Variants in EXO1 observed in about 807,000 individuals in gnomAD.
The protein encoded by EXO1 is exonuclease 1.
A neutral mutation model predicts 84.5 loss-of-function variants in EXO1; 69 were observed. That is an observed-to-expected ratio of 0.82 (90% CI 0.67 to 1.00). The LOEUF (loss-of-function observed/expected upper bound fraction) is 1.00. Ranked by LOEUF, EXO1 falls within the 50% of genes least tolerant of loss-of-function variation. The pLI is 0.00. For synonymous variants in EXO1, 373 were observed against 366.1 expected (o/e 1.02, Z -0.21); for missense variants, 1,045 against 1,000.7 (o/e 1.04, Z -0.60).
At position 241,879,033 on chromosome 1, in the gene EXO1, C is replaced by T; in HGVS notation, c.1799C>T (p.Pro600Leu). The T allele has an allele frequency of 1.2e-6, 2 of 1,614,164 alleles. No homozygotes were observed. Among genetic ancestry groups the T allele is most frequent in the Non-Finnish European group, 1.7e-6 (2 of 1,180,028 alleles). ...SSKFTRTISP[P>L]TLGTLRSCFS... ...AAATTTACAAGGACCATTTCACCAC[C>T]CACTTTGGGAACACTAAGAAGTTGT... Residue 600 changes from proline (P) to leucine (L), a missense_variant, in exon 13 of 16, where the codon CCC becomes CTC. Coordinates refer to ENST00000366548, the MANE Select transcript of EXO1 (RefSeq NM_130398.4).
chr1:241,878,274 G>C (rs1179653912), intron 12 of EXO1, among the ~76,000 whole-genome samples: 1 of 152,178 alleles, frequency 6.6e-6, no homozygotes, highest in African/African-American at 2.4e-5. Context: ...CAAGGCGGGC[G>C]GATCACCTGA....
chr1:241,889,381 C>A, intron 15 of EXO1, 84 bp from the exon 16 acceptor site: 1 of 1,203,254 alleles, frequency 8.3e-7, no homozygotes, highest in Non-Finnish European at 1.2e-6. Context: ...CTCTTCATGT[C>A]CCTCTATTTT....
At chr1:241,884,676 T>TGTGC (rs1247623968) in intron 14 of EXO1, among the ~76,000 whole-genome samples, 44 of 141,646 alleles carry the variant, frequency 3.1e-4, no homozygotes, top group African/African-American at 1.1e-3. Flanking sequence ...TGTGTGTGTG[T>TGTGC]GCACGTGCAC....
At position 241,867,075 on chromosome 1, in the gene EXO1, A is replaced by C; in HGVS notation, c.1267+20A>C. ...GAAGTGGTACGTATTTCAGTTTTGC[A>C]AAATGCTGGTGAATATTGGTCATAT... On this transcript the variant is annotated intron_variant, in intron 11 of 15. Coordinates refer to ENST00000366548, the MANE Select transcript of EXO1 (RefSeq NM_130398.4). 3 of 1,543,928 alleles carry C rather than the reference A, an allele frequency of 1.9e-6. No individual in the cohort carries two copies. The highest frequency in any genetic ancestry group is 2.7e-6 in the Non-Finnish European group (3 of 1,116,620).
intron 7 of EXO1, 64 bp downstream of exon 7, chr1:241,857,546 GA>G (rs1181590682): frequency 8.9e-7 from 1 of 1,121,220 alleles, no homozygotes; most frequent in Admixed American, 2.2e-5. Context: ...TCAAGGAGCT[GA>G]AATTTTTCCT....
intron 5 of EXO1, among the ~76,000 whole-genome samples, 166 bp downstream of exon 5, chr1:241,852,577 C>T (rs972796502): frequency 6.6e-6 from 1 of 152,168 alleles, no homozygotes; most frequent in Non-Finnish European, 1.5e-5. Context: ...CCCAGGAGTT[C>T]AGCACCTTAG....
At chr1:241,850,275 G>A (rs1401008023) in intron 3 of EXO1, 134 bp from the exon 4 acceptor site, 40 of 602,594 alleles carry the variant, frequency 6.6e-5, no homozygotes, top group Non-Finnish European at 1.0e-4. Flanking sequence ...GCGAGACTCC[G>A]TCTCAAAAAA....
chr1:241,858,823 T>G, intron 8 of EXO1, 105 bp downstream of exon 8: 1 of 835,136 alleles, frequency 1.2e-6, no homozygotes, highest in Non-Finnish European at 2.0e-6. Context: ...GAATAACCTA[T>G]ATTATATTAT....
intron 8 of EXO1, 115 bp downstream of exon 8, chr1:241,858,833 T>A (rs1187808505): frequency 1.3e-6 from 1 of 782,240 alleles, no homozygotes; most frequent in Non-Finnish European, 2.2e-6. Context: ...TATTATATTA[T>A]TAAAAGGAGC....
chr1:241,871,328 A>G lies in EXO1; in HGVS notation c.1268-704A>G, dbSNP rs79214091. On this transcript the variant is annotated intron_variant, in intron 11 of 15. Coordinates refer to ENST00000366548, the MANE Select transcript of EXO1 (RefSeq NM_130398.4). Reference sequence around the variant, plus strand: ...CTATCTTACCAACTTCACAAAGATTATAGTAGTGTGCACTTACACCTCTGT... The same window carrying G: ...CTATCTTACCAACTTCACAAAGATTGTAGTAGTGTGCACTTACACCTCTGT... Among the ~76,000 whole-genome samples the G allele has an allele frequency of 5.0e-3, 755 of 152,354 alleles. 6 individuals carry two copies. Among genetic ancestry groups the G allele is most frequent in the African/African-American group, 0.017 (712 of 41,580 alleles).
In EXO1 at chr1:241,877,847, C is replaced by T. The variant is rs142100989; in HGVS notation, c.1515-902C>T. On this transcript the variant is annotated intron_variant, in intron 12 of 15. Transcript: ENST00000366548. ...GTATAGAAGTTTATAGGGTATATAACAAGCTGGTAGATTAGTATACTACTG... is the reference window on the plus strand; with the variant it reads ...GTATAGAAGTTTATAGGGTATATAATAAGCTGGTAGATTAGTATACTACTG... Among the ~76,000 whole-genome samples the T allele has an allele frequency of 2.0e-4, 31 of 152,110 alleles. No individual in the cohort carries two copies. In the East Asian group the frequency reaches 5.8e-3, roughly 28 times the overall value.
At chr1:241,857,524 T>A in intron 7 of EXO1, 42 bp downstream of exon 7, 1 of 1,463,320 alleles carries the variant, frequency 6.8e-7, no homozygotes, top group Non-Finnish European at 9.3e-7. Context: ...TCTATGTAGA[T>A]AGTAGTGTAA....
At chr1:241,884,782 AAG>A (rs1042739477) in intron 14 of EXO1, among the ~76,000 whole-genome samples, 1 of 152,222 alleles carries the variant, frequency 6.6e-6, no homozygotes, top group African/African-American at 2.4e-5. Flanking sequence ...TCCTTTACAA[AAG>A]AGAGAACTTT....
intron 11 of EXO1, 104 bp from the exon 12 acceptor site, chr1:241,871,928 T>TTTAAAG: frequency 1.3e-6 from 1 of 781,142 alleles, no homozygotes; most frequent in Non-Finnish European, 2.1e-6. Flanking sequence ...TTTTTTTTTT[T>TTTAAAG]TAAAGTCCTT....
intron 11 of EXO1, among the ~76,000 whole-genome samples, chr1:241,869,413 A>G (rs1456327508): frequency 6.6e-6 from 1 of 152,212 alleles, no homozygotes. Context: ...GGATGTTTAA[A>G]ATGAAAAGAA....
intron 11 of EXO1, among the ~76,000 whole-genome samples, chr1:241,869,310 A>G (rs1661937626): frequency 1.3e-5 from 2 of 152,194 alleles, no homozygotes. Flanking sequence ...TTAAATGGGG[A>G]AGGAAACTAG....
chr1:241,848,042 C>G (rs1776180), upstream of EXO1: 91,628 of 152,168 alleles, frequency 0.6, 28,027 homozygotes, highest in East Asian at 0.8. This position sits in a 1 kb window ranked among gnomAD's most constrained non-coding sequence, Gnocchi z 4.2. Flanking sequence ...GCAGCGGCTG[C>G]AGTCGTATGG....
In EXO1 at chr1:241,849,015, TATC is replaced by T. The variant is rs1660502244; in HGVS notation, c.-131_-129del. On this transcript the variant is annotated 5_prime_UTR_variant, in exon 2 of 16. Transcript: ENST00000366548. ...GGAGTGAGAGAAAACTCTTTTTAGA[TATC>T]ATCTGAGAGGTAAGAGACTGTTTTT... 1 of 152,240 alleles carries T rather than the reference TATC, an allele frequency of 6.6e-6. No homozygotes were observed. Among genetic ancestry groups the T allele is most frequent in the East Asian group, 1.9e-4 (1 of 5,198 alleles). 9.4% of individuals were successfully genotyped at this position (152,240 alleles called of 1,614,324 possible). A position where few individuals can be genotyped will look rare whatever the true frequency, so the allele number is the denominator to read the frequency against.
At position 241,872,243 on chromosome 1, in the gene EXO1, A is replaced by G; in HGVS notation, c.1479A>G (p.Glu493=). Residue 493 remains glutamate, a synonymous_variant, in exon 12 of 16, where the codon GAA becomes GAG. Coordinates refer to ENST00000366548, the MANE Select transcript of EXO1 (RefSeq NM_130398.4). ...FATFLQRKNE[E]SGAVVVPGTR... is the part of the protein sequence containing the mutation. Reference sequence around the variant, plus strand: ...CATTTTTACAAAGGAAAAATGAAGAAAGTGGTGCAGTTGTGGTTCCAGGGA... The same window carrying G: ...CATTTTTACAAAGGAAAAATGAAGAGAGTGGTGCAGTTGTGGTTCCAGGGA... 7 of 1,614,082 alleles carry G rather than the reference A, an allele frequency of 4.3e-6. No individual in the cohort carries two copies. The highest frequency in any genetic ancestry group is 5.9e-6 in the Non-Finnish European group (7 of 1,179,976).
Sources: allele counts gnomAD v4.1 joint callset (sites outside exome capture counted in the v4.1 genomes callset), GRCh38; gene constraint gnomAD v4.1.1; non-coding constraint Gnocchi (gnomAD v3.1); transcripts MANE v1.5; gene names NCBI Gene and HGNC (gene_info 2026-07-23, HGNC 2026-07-21).